Variants in STK3 observed in about 807,000 individuals in gnomAD.
STK3 encodes serine/threonine kinase 3.
In STK3, 41 loss-of-function variants were observed where a neutral mutation model predicts 58.0. The ratio of observed to expected loss-of-function variants is 0.71; its 90% CI spans 0.55 to 0.92. The LOEUF is 0.92. Among genes scored for constraint, STK3 ranks in the 40% least tolerant of loss-of-function variants. The probability of loss-of-function intolerance (pLI) is 0.00; values close to 1 mark genes in which losing one functional copy is unlikely to be tolerated. For missense variants in STK3, 479 were observed against 602.7 expected (o/e 0.79, Z 2.15); for synonymous variants, 170 against 191.0 (o/e 0.89, Z 0.91).
intron 2 of STK3, among the ~76,000 whole-genome samples, chr8:98,376,039 A>T (rs1037249984): frequency 1.5e-4 from 23 of 152,222 alleles, no homozygotes; most frequent in Admixed American, 1.4e-3. Flanking sequence ...TCCCACCAGC[A>T]ATGTATGAGC....
intron 1 of STK3, among the ~76,000 whole-genome samples, chr8:98,889,106 A>G (rs1170429074): frequency 1.3e-5 from 2 of 152,202 alleles, no homozygotes; most frequent in African/African-American, 4.8e-5. Flanking sequence ...ACATCAAAAC[A>G]AGTCAAAGCA....
chr8:98,429,406 T>TA (rs757083260), intron 3 of STK3: 3 of 1,604,098 alleles, frequency 1.9e-6, no homozygotes, highest in Non-Finnish European at 2.6e-6. Flanking sequence ...AATGATTCCC[T>TA]ACGTTAGCCG....
At chr8:98,599,573 G>T (rs1816154547) in intron 6 of STK3, among the ~76,000 whole-genome samples, 1 of 151,982 alleles carries the variant, frequency 6.6e-6, no homozygotes, top group Non-Finnish European at 1.5e-5. Flanking sequence ...AGCAATTGAA[G>T]GGTAAAATTA....
At chr8:98,630,721 AAGG>A (rs1301695610) in intron 6 of STK3, among the ~76,000 whole-genome samples, 1 of 150,524 alleles carries the variant, frequency 6.6e-6, no homozygotes, top group African/African-American at 2.4e-5. Context: ...GAAGGAGGAG[AAGG>A]AGGAGAAGAA....
At chr8:98,427,110 C>A (rs1380277243) in intron 3 of STK3, 2 of 150,414 alleles carry the variant, frequency 1.3e-5, no homozygotes, top group East Asian at 1.9e-4. Context: ...GCGGCGGGAC[C>A]ACGCAGCCAC....
At chr8:98,688,481 A>G (rs184647825) in intron 6 of STK3, among the ~76,000 whole-genome samples, 2 of 152,236 alleles carry the variant, frequency 1.3e-5, no homozygotes, top group Admixed American at 1.3e-4. Context: ...TTCTTCTCAT[A>G]TGTACATAGA....
At chr8:98,675,436 T>C (rs555836035) in intron 6 of STK3, among the ~76,000 whole-genome samples, 12 of 152,320 alleles carry the variant, frequency 7.9e-5, no homozygotes, top group African/African-American at 2.2e-4. Flanking sequence ...TTATATGCCA[T>C]CTTATCTGTA....
intron 6 of STK3, among the ~76,000 whole-genome samples, chr8:98,616,971 A>G (rs1482112199): frequency 3.3e-5 from 5 of 152,180 alleles, no homozygotes; most frequent in African/African-American, 1.2e-4. Context: ...CCTAATAGAC[A>G]TCTACAGAAC....
intron 3 of STK3, among the ~76,000 whole-genome samples, chr8:98,754,271 C>G (rs111547984): frequency 0.019 from 2,859 of 151,942 alleles, 59 homozygotes; most frequent in Non-Finnish European, 0.027. Context: ...AAAAAAAATT[C>G]TTTACATGTA....
At chr8:98,717,584 T>C (rs191935737) in intron 4 of STK3, among the ~76,000 whole-genome samples, 341 of 152,330 alleles carry the variant, frequency 2.2e-3, no homozygotes, top group African/African-American at 7.9e-3. Context: ...TGTAAAATGG[T>C]ACAGCCTCTG....
At chr8:98,720,644 G>A (rs556345502) in intron 4 of STK3, among the ~76,000 whole-genome samples, 141 of 151,878 alleles carry the variant, frequency 9.3e-4, no homozygotes, top group African/African-American at 3.1e-3. Flanking sequence ...CCGGCTGCTC[G>A]GGAGGCTGAG....
At chr8:98,724,139 C>CT (rs936803561) in intron 4 of STK3, among the ~76,000 whole-genome samples, 1 of 152,142 alleles carries the variant, frequency 6.6e-6, no homozygotes, top group African/African-American at 2.4e-5. Flanking sequence ...TAAGCGATGC[C>CT]TGCAACAACA....
intron 3 of STK3, among the ~76,000 whole-genome samples, chr8:98,426,171 C>T (rs1818230257): frequency 6.6e-6 from 1 of 152,156 alleles, no homozygotes; most frequent in Non-Finnish European, 1.5e-5. Context: ...CCGCTCTCAA[C>T]ATATTCCACA....
At chr8:98,796,569 A>C (rs1380060562) in intron 1 of STK3, among the ~76,000 whole-genome samples, 1 of 152,202 alleles carries the variant, frequency 6.6e-6, no homozygotes, top group Admixed American at 6.5e-5. Context: ...GAAAGAATTT[A>C]TGACTAAAAG....
intron 4 of STK3, among the ~76,000 whole-genome samples, chr8:98,719,572 T>C (rs1292606818): frequency 6.6e-6 from 1 of 152,232 alleles, no homozygotes; most frequent in Non-Finnish European, 1.5e-5. Context: ...ATTCATGAAC[T>C]GTCTGGCTTT....
chr8:98,514,684 C>A (rs910762097), intron 10 of STK3, among the ~76,000 whole-genome samples: 1 of 152,074 alleles, frequency 6.6e-6, no homozygotes, highest in South Asian at 2.1e-4. Flanking sequence ...ACTCACCTTA[C>A]ATTTGGGATA....
intron 3 of STK3, among the ~76,000 whole-genome samples, chr8:98,414,492 C>T (rs561271695): frequency 6.6e-6 from 1 of 152,258 alleles, no homozygotes; most frequent in Admixed American, 6.5e-5. Flanking sequence ...CAGGCAAAGT[C>T]CCACTCATCC....
chr8:98,681,433 CTG>C (rs903654246), intron 6 of STK3, among the ~76,000 whole-genome samples: 1 of 151,598 alleles, frequency 6.6e-6, no homozygotes, highest in Non-Finnish European at 1.5e-5. Context: ...AAAGCCAAAA[CTG>C]TAAAAAAAAA....
chr8:98,715,266 G>A (rs1006068258), intron 4 of STK3, among the ~76,000 whole-genome samples: 1 of 152,138 alleles, frequency 6.6e-6, no homozygotes, highest in African/African-American at 2.4e-5. Context: ...GGCAACGAAA[G>A]CCAAAATTGA....
Sources: gnomAD v4.1 joint callset for allele counts (sites outside exome capture counted in the v4.1 genomes callset) on GRCh38, gnomAD v4.1.1 for gene constraint, MANE v1.5 for transcripts, NCBI Gene and HGNC (gene_info 2026-07-23, HGNC 2026-07-21) for gene names.